PLXNC1: variants seen among roughly 807,000 people sequenced by gnomAD.
PLXNC1 encodes the protein plexin C1.
In PLXNC1, 75 loss-of-function variants were observed where a neutral mutation model predicts 178.2. That is an observed-to-expected ratio of 0.42 (90% CI 0.35 to 0.51). The LOEUF (loss-of-function observed/expected upper bound fraction) is 0.51. Ranked by LOEUF, PLXNC1 falls within the 20% of genes least tolerant of loss-of-function variation. PLXNC1 has a pLI of 0.02. For synonymous variants in PLXNC1, 790 were observed against 779.9 expected (o/e 1.01, Z -0.22); for missense variants, 1,503 against 1,984.4 (o/e 0.76, Z 4.61).
chr12:94,286,684 C>A (rs1229154233), intron 23 of PLXNC1, among the ~76,000 whole-genome samples: 1 of 145,584 alleles, frequency 6.9e-6, no homozygotes, highest in African/African-American at 2.6e-5. Context: ...TTAAGTGAAT[C>A]AGACTCACCT....
At chr12:94,180,716 C>T (rs1490757746) in intron 2 of PLXNC1, among the ~76,000 whole-genome samples, 1 of 152,192 alleles carries the variant, frequency 6.6e-6, no homozygotes, top group African/African-American at 2.4e-5. Context: ...TAATCTGGGT[C>T]ACTTCTAACT....
chr12:94,303,903 T>C lies in PLXNC1; in HGVS notation c.4527+7T>C. 6.2e-7 allele frequency: 1 copy of C among 1,609,530 alleles called. No homozygotes were observed. The highest frequency in any genetic ancestry group is 8.5e-7 in the Non-Finnish European group (1 of 1,177,992). On this transcript the variant is annotated splice_region_variant and intron_variant, in intron 29 of 30. Coordinates refer to ENST00000258526, the MANE Select transcript of PLXNC1 (RefSeq NM_005761.3). ...TTTAACTCAGGAATCTAAGGTATCA[T>C]TAGAAAGCAGAAATAAGCTTATATT...
intron 23 of PLXNC1, among the ~76,000 whole-genome samples, chr12:94,291,295 G>A (rs1021793667): frequency 6.6e-6 from 1 of 152,180 alleles, no homozygotes; most frequent in African/African-American, 2.4e-5. Context: ...GAGTGCAGTG[G>A]CACAATCGTG....
chr12:94,245,873 T>C (rs1414039476), intron 12 of PLXNC1, among the ~76,000 whole-genome samples: 2 of 152,076 alleles, frequency 1.3e-5, no homozygotes, highest in Non-Finnish European at 2.9e-5. Context: ...TGCCCTTAAT[T>C]CTGTAGGCAG....
chr12:94,229,311 A>G (rs1286633482), intron 9 of PLXNC1, among the ~76,000 whole-genome samples: 3 of 152,144 alleles, frequency 2.0e-5, no homozygotes, highest in South Asian at 4.1e-4. Context: ...TCAACCCCCT[A>G]TCAGATATAT....
chr12:94,201,356 C>T (rs922494530), intron 4 of PLXNC1, among the ~76,000 whole-genome samples: 1 of 152,216 alleles, frequency 6.6e-6, no homozygotes, highest in Non-Finnish European at 1.5e-5. Flanking sequence ...GCCCAAATCC[C>T]TTTCTCATCA....
intron 17 of PLXNC1, among the ~76,000 whole-genome samples, chr12:94,256,672 A>AT (rs1483784392): frequency 6.6e-6 from 1 of 152,148 alleles, no homozygotes; most frequent in African/African-American, 2.4e-5. Context: ...AATAACGGAG[A>AT]TTTTTGACTA....
intron 17 of PLXNC1, among the ~76,000 whole-genome samples, chr12:94,257,767 C>T (rs528767319): frequency 3.3e-5 from 5 of 152,046 alleles, no homozygotes; most frequent in African/African-American, 4.8e-5. Context: ...ATTAGCCAGG[C>T]ATGGTGGCGG....
intron 28 of PLXNC1, among the ~76,000 whole-genome samples, chr12:94,301,645 C>G (rs1968478070): frequency 6.6e-6 from 1 of 152,134 alleles, no homozygotes; most frequent in Non-Finnish European, 1.5e-5. Flanking sequence ...CTAAACTGAG[C>G]AATATCTGTG....
In PLXNC1 at chr12:94,233,252, C is replaced by T. The variant is rs568957208; in HGVS notation, c.1981-4412C>T. ...GAGCAGAATAGGCTTAGTGAGGCAA[C>T]TGAGGCCCTGGGGAGAGGGGAGCAG... is the stretch of plus-strand genomic sequence containing the variant. On this transcript the variant is annotated intron_variant, in intron 9 of 30. Coordinates refer to ENST00000258526, the MANE Select transcript of PLXNC1 (RefSeq NM_005761.3). 1.8e-4 allele frequency among the ~76,000 whole-genome samples: 27 copies of T among 152,300 alleles called. 1 individual carries two copies. The South Asian group carries it at 3.3e-3, about 19-fold the overall frequency.
chr12:94,187,091 C>T (rs1268219096), intron 4 of PLXNC1, among the ~76,000 whole-genome samples: 2 of 152,034 alleles, frequency 1.3e-5, no homozygotes, highest in Non-Finnish European at 2.9e-5. Flanking sequence ...TGGTTGGATT[C>T]GCCGTCGCCA....
chr12:94,265,942 T>G (rs1965211700), intron 21 of PLXNC1, among the ~76,000 whole-genome samples: 1 of 152,162 alleles, frequency 6.6e-6, no homozygotes, highest in Non-Finnish European at 1.5e-5. Flanking sequence ...GGAAGGTAAC[T>G]TTAGAATTAG....
chr12:94,186,864 A>G lies in PLXNC1; in HGVS notation c.1439+391A>G, dbSNP rs573219017. On this transcript the variant is annotated intron_variant, in intron 4 of 30. Coordinates refer to ENST00000258526, the MANE Select transcript of PLXNC1 (RefSeq NM_005761.3). ...TTTTTCAGCTGAATCCCCATCATGT[A>G]TGTCATGTATTCTGTTCGCTCCGCA... The G allele has an allele frequency of 1.9e-5, 4 of 207,092 alleles. No individual in the cohort carries two copies. In the South Asian group the frequency reaches 3.2e-4, roughly 17 times the overall value. The allele number at this position is 207,092 out of a possible 1,614,324, so 12.8% of individuals were successfully genotyped here.
chr12:94,218,777 T>C (rs1843966793), intron 5 of PLXNC1, among the ~76,000 whole-genome samples: 1 of 152,076 alleles, frequency 6.6e-6, no homozygotes, highest in African/African-American at 2.4e-5. Flanking sequence ...AAACACTCCC[T>C]CCACCCAATT....
At chr12:94,185,019 G>C (rs1345993137) in intron 3 of PLXNC1, among the ~76,000 whole-genome samples, 1 of 152,168 alleles carries the variant, frequency 6.6e-6, no homozygotes, top group African/African-American at 2.4e-5. Context: ...TTTAGTACCT[G>C]TCAGACAATA....
At chr12:94,162,792 A>G (rs1330850422) in intron 1 of PLXNC1, among the ~76,000 whole-genome samples, 1 of 152,104 alleles carries the variant, frequency 6.6e-6, no homozygotes, top group Admixed American at 6.5e-5. Flanking sequence ...GAGGGAAGAA[A>G]AGTCTAGATA....
chr12:94,305,588 C>T lies in PLXNC1; in HGVS notation c.*303C>T, dbSNP rs928352491. On this transcript the variant is annotated 3_prime_UTR_variant, in exon 31 of 31. Transcript: ENST00000258526. The stretch of plus-strand genomic sequence containing the variant: ...GTCAGTATTGTAACTACAGTCTCCA[C>T]TTAAGCACAATGATATAAGTGGTTT... The T allele has an allele frequency of 7.1e-6, 2 of 280,876 alleles. No homozygotes were observed. The highest frequency in any genetic ancestry group is 1.3e-5 in the Non-Finnish European group (2 of 149,010). The allele number at this position is 280,876 out of a possible 1,614,324, so 17.4% of individuals were successfully genotyped here.
At chr12:94,179,740 CAAAAAAAA>C (rs63329860) in intron 2 of PLXNC1, among the ~76,000 whole-genome samples, 1 of 80,312 alleles carries the variant, frequency 1.2e-5, no homozygotes, top group African/African-American at 4.7e-5. Flanking sequence ...GACTCCATCT[CAAAAAAAA>C]AAAAAAAAAA....
At chr12:94,253,308 C>G (rs1964753123) in intron 15 of PLXNC1, among the ~76,000 whole-genome samples, 1 of 150,626 alleles carries the variant, frequency 6.6e-6, no homozygotes, top group Non-Finnish European at 1.5e-5. Flanking sequence ...CAGGCAGTTG[C>G]CAGTGTCTCC....
Sources: allele counts gnomAD v4.1 joint callset (sites outside exome capture counted in the v4.1 genomes callset), GRCh38; gene constraint gnomAD v4.1.1; transcripts MANE v1.5; gene names NCBI Gene and HGNC (gene_info 2026-07-23, HGNC 2026-07-21).